KIAA1217: variants seen among roughly 807,000 people sequenced by gnomAD.
KIAA1217 encodes sickle tail protein homolog.
In KIAA1217, 88 loss-of-function variants were observed where a neutral mutation model predicts 163.9. The ratio of observed to expected loss-of-function variants is 0.54; its 90% CI spans 0.45 to 0.64. The LOEUF is 0.64. Ranked by LOEUF, KIAA1217 falls within the 30% of genes least tolerant of loss-of-function variation. The pLI is 0.00. For missense variants in KIAA1217, 2,372 were observed against 2,475.0 expected (o/e 0.96, Z 0.88); for synonymous variants, 903 against 923.1 (o/e 0.98, Z 0.39).
chr10:24,501,726 C>CTTTTT (rs1554909743), intron 9 of KIAA1217, among the ~76,000 whole-genome samples, 181 bp downstream of exon 9: 1 of 111,528 alleles, frequency 9.0e-6, no homozygotes, highest in Non-Finnish European at 1.9e-5. Context: ...TCTATAACCA[C>CTTTTT]TTCTTTTTTT....
chr10:24,297,104 A>G (rs2040713353), intron 2 of KIAA1217, among the ~76,000 whole-genome samples: 1 of 152,222 alleles, frequency 6.6e-6, no homozygotes, highest in African/African-American at 2.4e-5. Flanking sequence ...GGGGAGAAAC[A>G]TATAAAGTAA....
At chr10:23,922,260 G>T (rs1427054028) in intron 1 of KIAA1217, among the ~76,000 whole-genome samples, 1 of 152,140 alleles carries the variant, frequency 6.6e-6, no homozygotes, top group African/African-American at 2.4e-5. Flanking sequence ...CCCAGAGAGG[G>T]TATAAAAATC....
rs568519357 is a variant in KIAA1217, at chr10:24,278,819, A to G, written c.354+58910A>G. On this transcript the variant is annotated intron_variant, in intron 2 of 20. Coordinates refer to ENST00000376454, the MANE Select transcript of KIAA1217 (RefSeq NM_019590.5). Reference sequence around the variant, plus strand: ...TTAAAGTTGCTAACTGTGAAGACTGAGTAATTTGAATCTGCTGTTGGTGTA... The same window carrying G: ...TTAAAGTTGCTAACTGTGAAGACTGGGTAATTTGAATCTGCTGTTGGTGTA... 9.0e-4 allele frequency among the ~76,000 whole-genome samples: 135 copies of G among 150,752 alleles called. 1 individual carries two copies. Among genetic ancestry groups the G allele is most frequent in the Non-Finnish European group, 1.6e-3 (107 of 67,876 alleles).
At chr10:24,170,197 C>G (rs1351327641) in intron 2 of KIAA1217, among the ~76,000 whole-genome samples, 2 of 152,156 alleles carry the variant, frequency 1.3e-5, no homozygotes, top group Non-Finnish European at 2.9e-5. Context: ...AGACTTTATT[C>G]TACATTCAAT....
intron 2 of KIAA1217, among the ~76,000 whole-genome samples, chr10:24,244,949 T>C (rs1294193683): frequency 6.6e-6 from 1 of 152,136 alleles, no homozygotes; most frequent in Non-Finnish European, 1.5e-5. Flanking sequence ...TTCAACTTCC[T>C]GGTTGTATAA....
intron 1 of KIAA1217, among the ~76,000 whole-genome samples, chr10:23,924,414 A>G (rs182704505): frequency 5.4e-4 from 83 of 152,328 alleles, no homozygotes; most frequent in African/African-American, 1.8e-3. Flanking sequence ...AGTCTTCTCT[A>G]TAAGAAGAAA....
In KIAA1217 at chr10:23,831,289, G is replaced by GAA. The variant is rs565586461; in HGVS notation, c.-321+136065_-321+136066dup. On this transcript the variant is annotated intron_variant, in intron 1 of 18. Transcript: ENST00000376462. Reference sequence around the variant, plus strand: ...CATGAAACTGAAAAGCTTTTACACAGAAAAAAAAAAATGGAAAACCAAAAA... The same window carrying GAA: ...CATGAAACTGAAAAGCTTTTACACAGAAAAAAAAAAAAATGGAAAACCAAAAA... Among the ~76,000 whole-genome samples, 62 of 137,572 alleles carry GAA rather than the reference G, an allele frequency of 4.5e-4. No homozygotes were observed. The South Asian group carries it at 0.013, about 28-fold the overall frequency. The allele number at this position is 137,572 out of a possible 152,430, so 90.3% of individuals were successfully genotyped here.
chr10:24,252,237 G>A (rs923531474), intron 2 of KIAA1217, among the ~76,000 whole-genome samples: 1 of 152,082 alleles, frequency 6.6e-6, no homozygotes, highest in Non-Finnish European at 1.5e-5. Context: ...TTATAATTTT[G>A]AAGATTAAGT....
chr10:24,051,592 C>A (rs1387682894), intron 2 of KIAA1217, among the ~76,000 whole-genome samples: 1 of 152,056 alleles, frequency 6.6e-6, no homozygotes, highest in Admixed American at 6.6e-5. Flanking sequence ...AAAGTTTTCC[C>A]TTTTAACCCC....
intron 1 of KIAA1217, among the ~76,000 whole-genome samples, chr10:23,988,568 A>G (rs79665320): frequency 1.4e-3 from 215 of 152,336 alleles, no homozygotes; most frequent in African/African-American, 4.8e-3. Flanking sequence ...AGACCAAACA[A>G]ACAAATAAAT....
intron 1 of KIAA1217, among the ~76,000 whole-genome samples, chr10:23,790,146 TAC>T (rs1270049324): frequency 2.5e-5 from 2 of 79,516 alleles, no homozygotes; most frequent in Non-Finnish European, 4.6e-5. Flanking sequence ...TATACACATA[TAC>T]ACATATGCAT....
At chr10:24,525,116 G>A (rs1365823176) in intron 13 of KIAA1217, among the ~76,000 whole-genome samples, 1 of 152,180 alleles carries the variant, frequency 6.6e-6, no homozygotes, top group Non-Finnish European at 1.5e-5. Context: ...GCAGATCTGT[G>A]TGTGGCATTT....
intron 2 of KIAA1217, among the ~76,000 whole-genome samples, chr10:24,351,241 C>A (rs190484106): frequency 6.6e-6 from 1 of 152,184 alleles, no homozygotes; most frequent in African/African-American, 2.4e-5. Context: ...AGCCACCATG[C>A]CTGGCCAGTG....
intron 2 of KIAA1217, among the ~76,000 whole-genome samples, chr10:24,350,725 T>G (rs1023507077): frequency 8.6e-5 from 13 of 151,910 alleles, no homozygotes; most frequent in African/African-American, 3.1e-4. Context: ...TACAAGTAAG[T>G]CTCGAGAGAA....
intron 14 of KIAA1217, among the ~76,000 whole-genome samples, chr10:24,529,948 C>T (rs1314477949): frequency 6.6e-6 from 1 of 151,774 alleles, no homozygotes; most frequent in Non-Finnish European, 1.5e-5. Flanking sequence ...CAGGCACCCA[C>T]CACCACGCCT....
chr10:24,267,616 A>G (rs2076359709), intron 2 of KIAA1217, among the ~76,000 whole-genome samples: 1 of 152,170 alleles, frequency 6.6e-6, no homozygotes, highest in Non-Finnish European at 1.5e-5. Context: ...CCTGGCCCCA[A>G]GAAGGGATAT....
chr10:24,438,969 T>G lies in KIAA1217; in HGVS notation c.846+490T>G, dbSNP rs183102295. 3.3e-4 allele frequency among the ~76,000 whole-genome samples: 50 copies of G among 152,338 alleles called. 1 individual carries two copies. In the East Asian group the frequency reaches 6.8e-3, roughly 21 times the overall value. On this transcript the variant is annotated intron_variant, in intron 5 of 20. Transcript: ENST00000376454. ...CAGGAGCTACCCTGGAAGAATTTTG[T>G]TGTTGTACTGTCTTAAATATTACCA...
chr10:24,240,266 A>G (rs547015992), intron 2 of KIAA1217, among the ~76,000 whole-genome samples: 26 of 152,314 alleles, frequency 1.7e-4, no homozygotes, highest in African/African-American at 5.5e-4. Flanking sequence ...AAGAAAGCCT[A>G]TTGTTTCTTC....
intron 9 of KIAA1217, among the ~76,000 whole-genome samples, chr10:24,508,071 A>G (rs1179502395): frequency 1.3e-5 from 2 of 152,192 alleles, no homozygotes; most frequent in Non-Finnish European, 2.9e-5. Context: ...AAATATTATA[A>G]GGGAAGAAAA....
Sources: gnomAD v4.1 joint callset for allele counts (sites outside exome capture counted in the v4.1 genomes callset) on GRCh38, gnomAD v4.1.1 for gene constraint, MANE v1.5 for transcripts, NCBI Gene and HGNC (gene_info 2026-07-23, HGNC 2026-07-21) for gene names.